The following CDH18 variants were observed in gnomAD, a reference collection of about 807,000 sequenced individuals.
CDH18 encodes cadherin-18.
Under a neutral mutation model 67.9 loss-of-function variants are expected in CDH18, and 31 were observed. The observed-to-expected ratio is 0.46, with a 90% confidence interval of 0.34 to 0.62. The LOEUF (loss-of-function observed/expected upper bound fraction) is 0.62. CDH18 is among the 20% of genes least tolerant of loss of function. The pLI is 0.01. For missense variants in CDH18, 890 were observed against 975.5 expected (o/e 0.91, Z 1.17); for synonymous variants, 362 against 347.2 (o/e 1.04, Z -0.48).
intron 2 of CDH18, among the ~76,000 whole-genome samples, chr5:20,244,185 C>CG (rs112497608): frequency 0.7 from 106,430 of 151,856 alleles, 37,963 homozygotes; most frequent in African/African-American, 0.85. Flanking sequence ...TAACAACCTC[C>CG]GCTGAAGGTG....
intron 3 of CDH18, among the ~76,000 whole-genome samples, chr5:19,819,760 A>G (rs2149938624): frequency 6.6e-6 from 1 of 152,242 alleles, no homozygotes; most frequent in Non-Finnish European, 1.5e-5. Context: ...AAGGCTCTCC[A>G]TCTTGCTCTG....
At chr5:20,209,221 T>A (rs528885169) in intron 2 of CDH18, among the ~76,000 whole-genome samples, 3 of 152,134 alleles carry the variant, frequency 2.0e-5, no homozygotes, top group African/African-American at 7.2e-5. Context: ...AAACGTAGGA[T>A]TATCATATGA....
At position 19,723,257 on chromosome 5, in the gene CDH18, G is replaced by A. The variant is rs570581098; in HGVS notation, c.524-1791C>T. Among the ~76,000 whole-genome samples the A allele has an allele frequency of 1.9e-3, 293 of 151,344 alleles. 1 individual carries two copies. Among genetic ancestry groups the A allele is most frequent in the Middle Eastern group, 0.01 (3 of 292 alleles). On this transcript the variant is annotated intron_variant, in intron 4 of 12. Transcript: ENST00000382275. Reference sequence around the variant, plus strand: ...GCACTCCAGCCTGGGCAACAAGAGCGAAACTCTGTCTCAAAAAAAAAAAGA... The same window carrying A: ...GCACTCCAGCCTGGGCAACAAGAGCAAAACTCTGTCTCAAAAAAAAAAAGA...
intron 3 of CDH18, among the ~76,000 whole-genome samples, chr5:19,789,299 A>G (rs1347659133): frequency 6.6e-6 from 1 of 152,222 alleles, no homozygotes; most frequent in Non-Finnish European, 1.5e-5. Context: ...TAATAGTACT[A>G]CATCCCTCAA....
intron 5 of CDH18, among the ~76,000 whole-genome samples, chr5:19,711,954 A>G (rs1403589936): frequency 6.6e-6 from 1 of 152,136 alleles, no homozygotes; most frequent in Non-Finnish European, 1.5e-5. Flanking sequence ...TGCTACATAT[A>G]CACTGTGGAA....
intron 2 of CDH18, among the ~76,000 whole-genome samples, chr5:20,121,704 T>C (rs1748367377): frequency 6.6e-6 from 1 of 152,182 alleles, no homozygotes; most frequent in Non-Finnish European, 1.5e-5. Flanking sequence ...TAAATACACA[T>C]GTCAGCAGGT....
chr5:20,401,853 G>A (rs1745797935), intron 1 of CDH18, among the ~76,000 whole-genome samples: 2 of 152,120 alleles, frequency 1.3e-5, no homozygotes, highest in Admixed American at 1.3e-4. Flanking sequence ...ATATTGACCA[G>A]AGTGTTATTT....
intron 9 of CDH18, among the ~76,000 whole-genome samples, chr5:19,534,221 A>G (rs1438151892): frequency 6.6e-6 from 1 of 152,140 alleles, no homozygotes; most frequent in Non-Finnish European, 1.5e-5. Flanking sequence ...TCATTTTGTT[A>G]CAATAATTCA....
chr5:20,566,127 G>C (rs572375255), intron 1 of CDH18, among the ~76,000 whole-genome samples: 1 of 151,976 alleles, frequency 6.6e-6, no homozygotes. Flanking sequence ...GAGATACTAA[G>C]GGCATGACTA....
intron 5 of CDH18, among the ~76,000 whole-genome samples, chr5:19,630,257 T>A (rs1315444958): frequency 6.6e-6 from 1 of 152,172 alleles, no homozygotes; most frequent in Non-Finnish European, 1.5e-5. Context: ...GTAGATTTTT[T>A]AAATTTTTTA....
chr5:20,405,578 T>C (rs1746172614), intron 1 of CDH18, among the ~76,000 whole-genome samples: 1 of 152,076 alleles, frequency 6.6e-6, no homozygotes, highest in African/African-American at 2.4e-5. Flanking sequence ...AAAGCCAAAA[T>C]TGACAAATGG....
chr5:20,064,268 T>C (rs537208945), intron 2 of CDH18, among the ~76,000 whole-genome samples: 8 of 152,258 alleles, frequency 5.3e-5, no homozygotes, highest in African/African-American at 1.9e-4. Flanking sequence ...CTATTTGATT[T>C]AGGATGCAAC....
intron 2 of CDH18, among the ~76,000 whole-genome samples, chr5:20,242,179 A>G (rs1033538612): frequency 6.6e-6 from 1 of 152,004 alleles, no homozygotes; most frequent in South Asian, 2.1e-4. Context: ...TAATAATTGT[A>G]TATATTTATG....
At chr5:19,860,467 A>T in intron 2 of CDH18, among the ~76,000 whole-genome samples, 1 of 144,758 alleles carries the variant, frequency 6.9e-6, no homozygotes, top group African/African-American at 2.6e-5. Flanking sequence ...ACTTTTTGGG[A>T]ATTTCCATAT....
intron 1 of CDH18, among the ~76,000 whole-genome samples, chr5:20,413,780 G>A (rs1216905488): frequency 6.6e-6 from 1 of 152,116 alleles, no homozygotes; most frequent in Non-Finnish European, 1.5e-5. Context: ...CACTCTGATA[G>A]TAGTTTCTTT....
intron 3 of CDH18, among the ~76,000 whole-genome samples, chr5:19,811,076 GAAA>G (rs1224897845): frequency 8.5e-6 from 1 of 116,962 alleles, no homozygotes; most frequent in Non-Finnish European, 1.7e-5. Context: ...GGGAGAAAGA[GAAA>G]AAGAAAGAAA....
intron 1 of CDH18, among the ~76,000 whole-genome samples, chr5:20,300,125 C>T (rs1176873061): frequency 6.6e-6 from 1 of 151,998 alleles, no homozygotes; most frequent in Non-Finnish European, 1.5e-5. Context: ...GAAAAATATC[C>T]TGTAATCTTT....
intron 1 of CDH18, among the ~76,000 whole-genome samples, chr5:19,987,324 A>G (rs1799668102): frequency 6.6e-6 from 1 of 152,008 alleles, no homozygotes; most frequent in East Asian, 1.9e-4. Context: ...TTGCAGACAT[A>G]AAAATCAAGA....
At chr5:19,598,021 T>C (rs1746448507) in intron 6 of CDH18, among the ~76,000 whole-genome samples, 1 of 152,210 alleles carries the variant, frequency 6.6e-6, no homozygotes, top group Non-Finnish European at 1.5e-5. Flanking sequence ...TTTTCTAATT[T>C]AGAAATAGTC....
Sources: gnomAD v4.1 joint callset for allele counts (sites outside exome capture counted in the v4.1 genomes callset) on GRCh38, gnomAD v4.1.1 for gene constraint, MANE v1.5 for transcripts, NCBI Gene and HGNC (gene_info 2026-07-23, HGNC 2026-07-21) for gene names.